The following MYH14 variants were observed in gnomAD, a reference collection of about 807,000 sequenced individuals.
The protein encoded by MYH14 is myosin-14.
MYH14 carries 123 observed loss-of-function variants against 255.5 expected under a neutral mutation model. The observed-to-expected ratio is 0.48, with a 90% CI of 0.42 to 0.56. The LOEUF is 0.56. Among genes scored for constraint, MYH14 ranks in the 20% least tolerant of loss-of-function variants. The pLI, the probability that MYH14 is intolerant of heterozygous loss-of-function variation, is 0.00. For synonymous variants in MYH14, 1,095 were observed against 1,161.2 expected, an observed-to-expected ratio of 0.94 and a Z score of 1.16; for missense variants, 2,423 against 2,802.3, an observed-to-expected ratio of 0.86 and a Z score of 3.06.
Position 50,276,930 on chromosome 19 carries a change from G to A in MYH14, c.3825+29G>A, listed in dbSNP as rs1280035028. 1 of 1,503,670 alleles carries A rather than the reference G, an allele frequency of 6.7e-7. No individual in the cohort carries two copies. Among genetic ancestry groups the A allele is most frequent in the Non-Finnish European group, 9.1e-7 (1 of 1,099,574 alleles). 93.1% of individuals were successfully genotyped at this position (1,503,670 alleles called of 1,614,324 possible). A position where few individuals can be genotyped will look rare whatever the true frequency, so the allele number is the denominator to read the frequency against. The stretch of plus-strand genomic sequence containing the variant: ...GGTTGGGGCAGGGGGACAGGGCAGG[G>A]GGGCCACGGGGAGGGCAGGGCAGGA... On this transcript the variant is annotated intron_variant, in intron 29 of 42. Transcript: ENST00000642316. The surrounding 1 kb of genome is among the most constrained non-coding windows in gnomAD (Gnocchi z 4.3).
At chr19:50,260,593 A>T in intron 19 of MYH14, 53 bp from the exon 20 acceptor site, 2 of 1,300,590 alleles carry the variant, frequency 1.5e-6, no homozygotes, top group Non-Finnish European at 2.2e-6. Flanking sequence ...AGCAGGCACT[A>T]GGTGAGCGTT....
chr19:50,223,537 G>A (rs575384795), intron 5 of MYH14, among the ~76,000 whole-genome samples, 188 bp downstream of exon 5: 12 of 152,310 alleles, frequency 7.9e-5, no homozygotes, highest in Admixed American at 2.6e-4. Flanking sequence ...GAGGTGTGAG[G>A]GTCAGTCTTG....
At chr19:50,272,428 G>A in intron 26 of MYH14, 132 bp from the exon 27 acceptor site, 1 of 915,758 alleles carries the variant, frequency 1.1e-6, no homozygotes, top group Non-Finnish European at 1.7e-6. Context: ...TGGGGAAGGT[G>A]GGAGGAGGAG....
intron 10 of MYH14, among the ~76,000 whole-genome samples, chr19:50,233,268 C>G (rs1382294787): frequency 1.3e-5 from 2 of 152,046 alleles, no homozygotes; most frequent in Non-Finnish European, 2.9e-5. Flanking sequence ...CTCCTGTGTT[C>G]AAGTAATTCT....
intron 34 of MYH14, among the ~76,000 whole-genome samples, chr19:50,287,375 G>A (rs1263740779): frequency 6.6e-6 from 1 of 152,214 alleles, no homozygotes; most frequent in Non-Finnish European, 1.5e-5. Flanking sequence ...TACACGGGAT[G>A]TAAGGAGAAT....
At position 50,305,649 on chromosome 19, in the gene MYH14, C is replaced by A. The variant is rs149294313; in HGVS notation, c.5679-1400C>A. On this transcript the variant is annotated intron_variant, in intron 40 of 42. Transcript: ENST00000642316. ...TGAGTTGCTTAAAGTCACCCTGCAC[C>A]AGGTGCAGTGGCTCATGCCTGTAAT... is the stretch of plus-strand genomic sequence containing the variant. Among the ~76,000 whole-genome samples, 1,073 of 152,146 alleles carry A rather than the reference C, an allele frequency of 7.1e-3. 16 individuals carry two copies. The highest frequency in any genetic ancestry group is 0.025 in the African/African-American group (1,017 of 41,484).
At chr19:50,302,264 A>G (rs953540214) in intron 40 of MYH14, among the ~76,000 whole-genome samples, 5 of 146,638 alleles carry the variant, frequency 3.4e-5, no homozygotes, top group Admixed American at 6.9e-5. Context: ...AGCCTGAGTA[A>G]CAGTGGAAGA....
intron 1 of MYH14, among the ~76,000 whole-genome samples, chr19:50,207,257 A>G (rs12973304): frequency 0.014 from 378 of 26,888 alleles, 1 homozygote; most frequent in Middle Eastern, 0.036. Flanking sequence ...GAGAGAGAGA[A>G]AGAGAGAGAG....
In MYH14 at chr19:50,272,570, G is replaced by A. The variant is rs761937861; in HGVS notation, c.3306G>A (p.Arg1102=). ...CACCCCTGCCTCCAGACCGCCTACG[G>A]AAGGAGGAGAAGGGTCGCCAGGAGC... ...ATIADMEDRL[R]KEEKGRQELE... The change falls in exon 27 of 43, where the codon CGG becomes CGA. Residue 1102 remains arginine, a synonymous_variant. Coordinates refer to ENST00000642316, the MANE Select transcript of MYH14 (RefSeq NM_001145809.2). 1.3e-5 allele frequency: 20 copies of A among 1,573,406 alleles called. No homozygotes were observed. The South Asian group carries it at 2.3e-4, about 18-fold the overall frequency.
At chr19:50,283,274 C>G (rs111577192) in intron 33 of MYH14, among the ~76,000 whole-genome samples, 112 of 152,234 alleles carry the variant, frequency 7.4e-4, no homozygotes, top group African/African-American at 2.5e-3. Flanking sequence ...TGTGCACCAC[C>G]ATGCCTGGCT....
chr19:50,271,839 C>T lies in MYH14; in HGVS notation c.3172-10C>T. On this transcript the variant is annotated splice_polypyrimidine_tract_variant and intron_variant, in intron 25 of 42. Coordinates refer to ENST00000642316, the MANE Select transcript of MYH14 (RefSeq NM_001145809.2). ...CTCCTGACTGCCCCCCATCCCACTC[C>T]ACCCCTCAGGAGCGGAAGCTGCTGG... 6.2e-7 allele frequency: 1 copy of T among 1,612,914 alleles called. No homozygotes were observed. Among genetic ancestry groups the T allele is most frequent in the Non-Finnish European group, 8.5e-7 (1 of 1,179,764 alleles).
chr19:50,274,044 T>A (rs1393348332), intron 27 of MYH14, among the ~76,000 whole-genome samples: 4 of 152,120 alleles, frequency 2.6e-5, no homozygotes. Context: ...ATCTATAAAA[T>A]GGGGTAATTG....
intron 40 of MYH14, among the ~76,000 whole-genome samples, chr19:50,304,361 G>C (rs1215058778): frequency 6.6e-6 from 1 of 152,268 alleles, no homozygotes; most frequent in East Asian, 1.9e-4. Context: ...AGGCCAAGGC[G>C]GGCAGATCAC....
chr19:50,287,772 A>G (rs1002668602), intron 34 of MYH14, among the ~76,000 whole-genome samples: 1 of 152,152 alleles, frequency 6.6e-6, no homozygotes, highest in Non-Finnish European at 1.5e-5. Flanking sequence ...GCATGAGAAA[A>G]CTACTCACCA....
At chr19:50,259,767 A>G (rs547900758) in intron 19 of MYH14, among the ~76,000 whole-genome samples, 2 of 152,188 alleles carry the variant, frequency 1.3e-5, no homozygotes, top group East Asian at 3.9e-4. Context: ...AATCCCAGCT[A>G]CTCGGGAGGC....
chr19:50,216,400 C>G (rs992713569), intron 2 of MYH14, among the ~76,000 whole-genome samples: 3 of 152,224 alleles, frequency 2.0e-5, no homozygotes, highest in African/African-American at 7.2e-5. Flanking sequence ...CCCAGGAATT[C>G]AAGAGCAGCC....
intron 39 of MYH14, among the ~76,000 whole-genome samples, chr19:50,296,718 C>A (rs1054896725): frequency 1.3e-5 from 2 of 152,198 alleles, no homozygotes; most frequent in South Asian, 2.1e-4. Flanking sequence ...TTTTGCGATA[C>A]CCATTAGCAG....
intron 10 of MYH14, among the ~76,000 whole-genome samples, chr19:50,233,337 T>C (rs1329524666): frequency 6.6e-6 from 1 of 151,868 alleles, no homozygotes; most frequent in Non-Finnish European, 1.5e-5. Flanking sequence ...GCCTGGATAA[T>C]TTTTGTATTT....
intron 1 of MYH14, among the ~76,000 whole-genome samples, chr19:50,207,835 C>T (rs2081586006): frequency 1.3e-5 from 2 of 152,128 alleles, no homozygotes; most frequent in African/African-American, 4.8e-5. Flanking sequence ...CTCTTACATC[C>T]CCTCCCACCC....
Sources: allele counts gnomAD v4.1 joint callset (sites outside exome capture counted in the v4.1 genomes callset), GRCh38; gene constraint gnomAD v4.1.1; non-coding constraint Gnocchi (gnomAD v3.1); transcripts MANE v1.5; gene names NCBI Gene and HGNC (gene_info 2026-07-23, HGNC 2026-07-21).